The following ZMYND8 variants were observed in gnomAD, a reference collection of about 807,000 sequenced individuals.
The protein encoded by ZMYND8 is zinc finger MYND-type containing 8.
Under a neutral mutation model 140.8 loss-of-function variants are expected in ZMYND8, and 37 were observed. The observed-to-expected ratio is 0.26, with a 90% CI of 0.20 to 0.35. ZMYND8 has a LOEUF of 0.35. ZMYND8 is among the 10% of genes least tolerant of loss of function. The probability of loss-of-function intolerance (pLI) is 1.00; values close to 1 mark genes in which losing one functional copy is unlikely to be tolerated. For missense variants in ZMYND8, 1,068 were observed against 1,570.0 expected (o/e 0.68, Z 5.40); for synonymous variants, 592 against 597.1 (o/e 0.99, Z 0.12).
chr20:47,293,440 C>T (rs1475932752), intron 5 of ZMYND8, among the ~76,000 whole-genome samples: 1 of 152,176 alleles, frequency 6.6e-6, no homozygotes, highest in Non-Finnish European at 1.5e-5. Flanking sequence ...GTGAGGTACA[C>T]AACTGGCCAA....
Position 47,245,867 on chromosome 20 carries a change from C to T in ZMYND8, c.2284+141G>A. On this transcript the variant is annotated intron_variant, in intron 14 of 22. Transcript: ENST00000471951. ...CAACCTTAAACCAAACACAGCTTCA[C>T]TGTGCCTCTCTCTCAGTGTGTTAGA... The T allele has an allele frequency of 2.3e-6, 3 of 1,283,942 alleles. No homozygotes were observed. In the South Asian group the frequency reaches 4.8e-5, roughly 21 times the overall value. 79.5% of individuals were successfully genotyped at this position (1,283,942 alleles called of 1,614,324 possible).
intron 2 of ZMYND8, among the ~76,000 whole-genome samples, chr20:47,347,234 G>C (rs2082411034): frequency 6.6e-6 from 1 of 152,144 alleles, no homozygotes; most frequent in African/African-American, 2.4e-5. Flanking sequence ...GCTTCATTTT[G>C]GGAAGCCTCA....
rs757777146 is a variant in ZMYND8, at chr20:47,238,745, G to A, written c.2665+13C>T. ...AGCGGGCGCCACGGAGAACAGAAGG[G>A]GAGGCTCGGTACCTTTCACAGCCTG... On this transcript the variant is annotated intron_variant, in intron 15 of 22. Coordinates refer to ENST00000471951, the MANE Select transcript of ZMYND8 (RefSeq NM_001281775.3). 4.5e-5 allele frequency: 72 copies of A among 1,604,458 alleles called. No homozygotes were observed. Among genetic ancestry groups the A allele is most frequent in the South Asian group, 1.6e-4 (14 of 90,128 alleles).
At chr20:47,329,553 C>T (rs2080759365) in intron 2 of ZMYND8, among the ~76,000 whole-genome samples, 1 of 152,096 alleles carries the variant, frequency 6.6e-6, no homozygotes, top group Non-Finnish European at 1.5e-5. Context: ...TACAGGCATG[C>T]ACCACCATGC....
rs2077812615 is a variant in ZMYND8, at chr20:47,298,779, G to C, written c.403C>G (p.Leu135Val). Residue 135 changes from leucine to valine, a missense_variant, in exon 4 of 23, where the codon CTG becomes GTG. By Grantham distance (32) the Leu-to-Val change is conservative. Coordinates refer to ENST00000471951, the MANE Select transcript of ZMYND8 (RefSeq NM_001281775.3). This position sits in a 1 kb window ranked among gnomAD's most constrained non-coding sequence, Gnocchi z 5.0. ...LCPRVYHAKC[L>V]RLTSEPEGDW... ...CCCTCTGGTTCCGATGTCAGTCTCAGACACTTAGCGTGATAAACCCGGGGA... is the reference window on the plus strand; with the variant it reads ...CCCTCTGGTTCCGATGTCAGTCTCACACACTTAGCGTGATAAACCCGGGGA... 6.2e-7 allele frequency: 1 copy of C among 1,614,160 alleles called. No individual in the cohort carries two copies. The highest frequency in any genetic ancestry group is 2.2e-5 in the East Asian group (1 of 44,882).
chr20:47,279,448 A>G (rs1372476770), intron 10 of ZMYND8, among the ~76,000 whole-genome samples: 4 of 152,022 alleles, frequency 2.6e-5, no homozygotes, highest in Non-Finnish European at 4.4e-5. Flanking sequence ...AAATAAATAA[A>G]TAAATAAAAC....
At chr20:47,261,498 A>G (rs1222873018) in intron 12 of ZMYND8, among the ~76,000 whole-genome samples, 1 of 151,962 alleles carries the variant, frequency 6.6e-6, no homozygotes, top group Non-Finnish European at 1.5e-5. Flanking sequence ...TGATTACACC[A>G]CTGCACTCCA....
At chr20:47,236,005 G>A (rs1256933783) in intron 16 of ZMYND8, among the ~76,000 whole-genome samples, 1 of 152,188 alleles carries the variant, frequency 6.6e-6, no homozygotes, top group Non-Finnish European at 1.5e-5. Context: ...CTGGTCAGCT[G>A]TTCACTGAAG....
rs10717572 is a variant in ZMYND8 at position 47,276,910 on chromosome 20, T to TAAA, written c.999-118_999-116dup. On this transcript the variant is annotated intron_variant, in intron 10 of 22. Coordinates refer to ENST00000471951, the MANE Select transcript of ZMYND8 (RefSeq NM_001281775.3). ...ATGTTTGCCAAGATTCTTATTCTAT[T>TAAA]AAAAAAAAAAAAAAAAAAACTTGGT... 1.0e-3 allele frequency: 536 copies of TAAA among 514,406 alleles called. 1 individual carries two copies. Among genetic ancestry groups the TAAA allele is most frequent in the South Asian group, 3.6e-3 (47 of 13,066 alleles). 31.9% of individuals were successfully genotyped at this position (514,406 alleles called of 1,614,324 possible).
rs140385470 is a variant in ZMYND8, at chr20:47,227,797, T to C, written c.2938-516A>G. Among the ~76,000 whole-genome samples, 606 of 152,256 alleles carry C rather than the reference T, an allele frequency of 4.0e-3. 7 individuals are homozygous for C. Among genetic ancestry groups the C allele is most frequent in the Non-Finnish European group, 2.8e-3 (192 of 68,006 alleles). ...TCGACCTGATCTGATAGGAAACTAATTAAACAGTGTTTTGGCCAGGTGCGG... is the reference window on the plus strand; with the variant it reads ...TCGACCTGATCTGATAGGAAACTAACTAAACAGTGTTTTGGCCAGGTGCGG... On this transcript the variant is annotated intron_variant, in intron 17 of 22. Coordinates refer to ENST00000471951, the MANE Select transcript of ZMYND8 (RefSeq NM_001281775.3).
intron 8 of ZMYND8, among the ~76,000 whole-genome samples, chr20:47,286,249 C>G (rs913346752): frequency 2.6e-5 from 4 of 151,348 alleles, no homozygotes; most frequent in Non-Finnish European, 5.9e-5. Context: ...GCTATCTTGG[C>G]TCACTGCAAC....
chr20:47,255,750 A>ATGTG (rs1223809089), intron 12 of ZMYND8, among the ~76,000 whole-genome samples: 1 of 103,288 alleles, frequency 9.7e-6, no homozygotes, highest in African/African-American at 5.0e-5. Flanking sequence ...ATATATATAT[A>ATGTG]TATATATATA....
intron 2 of ZMYND8, among the ~76,000 whole-genome samples, chr20:47,328,136 AGG>A (rs1249413146): frequency 5.9e-5 from 9 of 152,310 alleles, no homozygotes; most frequent in Non-Finnish European, 1.2e-4. Context: ...TAAACTTGAA[AGG>A]CCCTTAAAGG....
intron 2 of ZMYND8, among the ~76,000 whole-genome samples, chr20:47,325,346 C>T (rs963568412): frequency 6.6e-6 from 1 of 152,128 alleles, no homozygotes; most frequent in Non-Finnish European, 1.5e-5. Context: ...TGGCCTGGCT[C>T]GGAAGTACCC....
chr20:47,311,623 G>A (rs2078938240), intron 2 of ZMYND8, among the ~76,000 whole-genome samples: 1 of 151,860 alleles, frequency 6.6e-6, no homozygotes, highest in Admixed American at 6.6e-5. Flanking sequence ...AGGCCAAGTG[G>A]AGAAAAAGTT....
At chr20:47,302,166 G>T (rs2078100636) in intron 3 of ZMYND8, among the ~76,000 whole-genome samples, 1 of 151,038 alleles carries the variant, frequency 6.6e-6, no homozygotes, top group Non-Finnish European at 1.5e-5. Context: ...AATACAGTAT[G>T]TATGAAACAT....
At chr20:47,231,280 G>A (rs1298139595) in intron 16 of ZMYND8, among the ~76,000 whole-genome samples, 1 of 152,162 alleles carries the variant, frequency 6.6e-6, no homozygotes, top group Non-Finnish European at 1.5e-5. Flanking sequence ...CTCAGGCCTG[G>A]CTTGACTGGT....
At chr20:47,316,276 A>G (rs1411621150) in intron 2 of ZMYND8, among the ~76,000 whole-genome samples, 1 of 151,308 alleles carries the variant, frequency 6.6e-6, no homozygotes, top group Non-Finnish European at 1.5e-5. Flanking sequence ...GGTTGCAGTA[A>G]GCCGAGATCA....
chr20:47,325,507 C>T (rs914726733), intron 2 of ZMYND8, among the ~76,000 whole-genome samples: 9 of 152,146 alleles, frequency 5.9e-5, no homozygotes, highest in South Asian at 2.1e-4. Flanking sequence ...AGCAGGGTAG[C>T]GAAGTCAACA....
Sources: allele counts gnomAD v4.1 joint callset (sites outside exome capture counted in the v4.1 genomes callset), GRCh38; gene constraint gnomAD v4.1.1; non-coding constraint Gnocchi (gnomAD v3.1); transcripts MANE v1.5; gene names NCBI Gene and HGNC (gene_info 2026-07-23, HGNC 2026-07-21).